Variants in MBOAT2 observed in about 807,000 individuals in gnomAD.
MBOAT2 encodes the protein membrane bound glycerophospholipid O-acyltransferase 2, also known as membrane-bound glycerophospholipid O-acyltransferase 2.
A neutral mutation model predicts 63.4 loss-of-function variants in MBOAT2; 28 were observed. The ratio of observed to expected loss-of-function variants is 0.44; its 90% CI spans 0.33 to 0.61. MBOAT2 has a LOEUF of 0.61. Among genes scored for constraint, MBOAT2 ranks in the 20% least tolerant of loss-of-function variants. The probability of loss-of-function intolerance (pLI) is 0.03; values close to 1 mark genes in which losing one functional copy is unlikely to be tolerated. For missense variants in MBOAT2, 470 were observed against 605.8 expected (o/e 0.78, Z 2.35); for synonymous variants, 211 against 215.6 (o/e 0.98, Z 0.19).
intron 2 of MBOAT2, among the ~76,000 whole-genome samples, chr2:8,954,789 T>C (rs913002245): frequency 2.6e-5 from 4 of 152,066 alleles, no homozygotes; most frequent in African/African-American, 7.2e-5. Flanking sequence ...CCATGATCTG[T>C]GTCCAGGAGG....
At chr2:8,999,620 T>C (rs1331987310) in intron 1 of MBOAT2, among the ~76,000 whole-genome samples, 2 of 152,234 alleles carry the variant, frequency 1.3e-5, no homozygotes, top group Admixed American at 6.5e-5. Flanking sequence ...TGATTCCTGA[T>C]GTTGTCTAAA....
intron 1 of MBOAT2, among the ~76,000 whole-genome samples, chr2:8,985,457 C>A (rs1573249436): frequency 2.0e-5 from 3 of 152,164 alleles, no homozygotes; most frequent in Admixed American, 2.0e-4. Context: ...CAATGGTCTA[C>A]ATGTTTATAC....
At chr2:9,001,706 T>C (rs1189570581) in intron 1 of MBOAT2, among the ~76,000 whole-genome samples, 2 of 152,248 alleles carry the variant, frequency 1.3e-5, no homozygotes, top group Non-Finnish European at 2.9e-5. Context: ...TGAAAAGAAC[T>C]TTCTCTGGAT....
intron 1 of MBOAT2, among the ~76,000 whole-genome samples, chr2:8,993,870 A>G (rs1278484057): frequency 6.6e-6 from 1 of 152,150 alleles, no homozygotes; most frequent in East Asian, 1.9e-4. Context: ...AAAGCCTTAA[A>G]CAGCATGGTG....
At chr2:8,971,529 G>T (rs1670456905) in intron 1 of MBOAT2, among the ~76,000 whole-genome samples, 1 of 152,138 alleles carries the variant, frequency 6.6e-6, no homozygotes, top group Non-Finnish European at 1.5e-5. Flanking sequence ...CAATCAGGCA[G>T]GAGAAAGAAA....
chr2:8,919,783 G>A (rs1388119960), intron 3 of MBOAT2, among the ~76,000 whole-genome samples: 1 of 151,820 alleles, frequency 6.6e-6, no homozygotes, highest in African/African-American at 2.4e-5. Flanking sequence ...TTTGAGACAG[G>A]TTCTCGCTGT....
chr2:8,894,990 G>C (rs777549040), intron 4 of MBOAT2, among the ~76,000 whole-genome samples: 36 of 152,244 alleles, frequency 2.4e-4, no homozygotes, highest in Non-Finnish European at 4.7e-4. Flanking sequence ...ATTCCTCCCA[G>C]TGGGTTCGTG....
At chr2:8,942,028 C>T (rs1668088913) in intron 3 of MBOAT2, among the ~76,000 whole-genome samples, 1 of 152,098 alleles carries the variant, frequency 6.6e-6, no homozygotes, top group Non-Finnish European at 1.5e-5. Context: ...AAAATAGGGT[C>T]ATAATCCTAT....
intron 2 of MBOAT2, among the ~76,000 whole-genome samples, chr2:8,944,757 G>A (rs1291540912): frequency 6.6e-6 from 1 of 151,372 alleles, no homozygotes. Flanking sequence ...AGTATAAAAG[G>A]AAATAGAAGA....
chr2:8,999,152 G>A (rs1421881279), intron 1 of MBOAT2, among the ~76,000 whole-genome samples: 1 of 152,084 alleles, frequency 6.6e-6, no homozygotes, highest in African/African-American at 2.4e-5. Context: ...TTCCCTGCCC[G>A]GAATTCAGCA....
chr2:8,959,464 C>CTT (rs560059713), intron 1 of MBOAT2, among the ~76,000 whole-genome samples: 5 of 139,356 alleles, frequency 3.6e-5, no homozygotes, highest in East Asian at 2.1e-4. Context: ...TCCTTTTTTT[C>CTT]TTTTTTTTTT....
At chr2:8,930,413 T>C in intron 3 of MBOAT2, among the ~76,000 whole-genome samples, 1 of 147,452 alleles carries the variant, frequency 6.8e-6, no homozygotes, top group East Asian at 1.9e-4. Flanking sequence ...CATGAACTCA[T>C]CTTTTTTATG....
intron 4 of MBOAT2, among the ~76,000 whole-genome samples, chr2:8,900,157 C>G (rs1372155996): frequency 6.6e-6 from 1 of 152,088 alleles, no homozygotes; most frequent in Admixed American, 6.5e-5. Context: ...GAACACAGGA[C>G]AACAGATGTT....
At position 8,943,278 on chromosome 2, in the gene MBOAT2, G is replaced by C. The variant is rs372998837; in HGVS notation, c.222-14C>G. On this transcript the variant is annotated splice_polypyrimidine_tract_variant and intron_variant, in intron 2 of 12. Coordinates refer to ENST00000305997, the MANE Select transcript of MBOAT2 (RefSeq NM_138799.4). The stretch of plus-strand genomic sequence containing the variant: ...TGTAAGGCATACCTATAAAAAGTAA[G>C]AGCACTATTAGAAGAGGGATGCCAA... The C allele has an allele frequency of 2.0e-6, 3 of 1,514,700 alleles. No homozygotes were observed. Among genetic ancestry groups the C allele is most frequent in the Non-Finnish European group, 1.8e-6 (2 of 1,113,642 alleles). The allele number at this position is 1,514,700 out of a possible 1,614,324, so 93.8% of individuals were successfully genotyped here.
At chr2:8,863,338 G>T (rs1057300210) in intron 10 of MBOAT2, among the ~76,000 whole-genome samples, 4 of 152,166 alleles carry the variant, frequency 2.6e-5, no homozygotes, top group African/African-American at 9.7e-5. Context: ...TTTAAAAAAG[G>T]ACACTATAAA....
intron 4 of MBOAT2, among the ~76,000 whole-genome samples, chr2:8,903,860 T>C (rs536097403): frequency 6.6e-6 from 1 of 152,348 alleles, no homozygotes; most frequent in South Asian, 2.1e-4. Flanking sequence ...ACTCAAGCAT[T>C]TATTCTTCTA....
At chr2:8,934,777 T>C (rs1667546043) in intron 3 of MBOAT2, among the ~76,000 whole-genome samples, 1 of 152,188 alleles carries the variant, frequency 6.6e-6, no homozygotes, top group African/African-American at 2.4e-5. Flanking sequence ...ATCATGGGAT[T>C]GTCCTCAGTG....
At chr2:8,965,419 T>C (rs994755029) in intron 1 of MBOAT2, among the ~76,000 whole-genome samples, 1 of 152,198 alleles carries the variant, frequency 6.6e-6, no homozygotes, top group Admixed American at 6.5e-5. Context: ...ACAGCAGATG[T>C]GGGACCTCAA....
At chr2:8,973,203 G>A (rs1168924620) in intron 1 of MBOAT2, among the ~76,000 whole-genome samples, 1 of 152,100 alleles carries the variant, frequency 6.6e-6, no homozygotes, top group Non-Finnish European at 1.5e-5. Context: ...AAAAGGATGA[G>A]TTCATGTCCT....
Sources: gnomAD v4.1 joint callset for allele counts (sites outside exome capture counted in the v4.1 genomes callset) on GRCh38, gnomAD v4.1.1 for gene constraint, MANE v1.5 for transcripts, NCBI Gene and HGNC (gene_info 2026-07-23, HGNC 2026-07-21) for gene names.